The following PELI2 variants were observed in gnomAD, a reference collection of about 807,000 sequenced individuals.
PELI2 encodes pellino E3 ubiquitin protein ligase family member 2, also known as E3 ubiquitin-protein ligase pellino homolog 2.
A neutral mutation model predicts 42.3 loss-of-function variants in PELI2; 23 were observed. That is an observed-to-expected ratio of 0.54 (90% CI 0.39 to 0.77). The LOEUF (loss-of-function observed/expected upper bound fraction) is 0.77. Ranked by LOEUF, PELI2 falls within the 30% of genes least tolerant of loss-of-function variation. The probability of loss-of-function intolerance (pLI) is 0.00; values close to 1 mark genes in which losing one functional copy is unlikely to be tolerated. For synonymous variants in PELI2, 245 were observed against 212.2 expected (o/e 1.15, Z -1.34); for missense variants, 463 against 553.2 (o/e 0.84, Z 1.64).
At chr14:56,239,249 A>G (rs1335020462) in intron 2 of PELI2, among the ~76,000 whole-genome samples, 1 of 152,226 alleles carries the variant, frequency 6.6e-6, no homozygotes, top group Non-Finnish European at 1.5e-5. Flanking sequence ...TGAGTTTTAA[A>G]TAGTCTAGAA....
At chr14:56,138,614 AAGTC>A (rs747641953) in intron 1 of PELI2, among the ~76,000 whole-genome samples, 16 of 152,362 alleles carry the variant, frequency 1.1e-4, no homozygotes, top group South Asian at 2.1e-4. Context: ...ACTTAAGAAA[AAGTC>A]AGATCTACGA....
intron 2 of PELI2, among the ~76,000 whole-genome samples, chr14:56,229,468 C>G (rs1887480046): frequency 6.6e-6 from 1 of 152,180 alleles, no homozygotes; most frequent in South Asian, 2.1e-4. Flanking sequence ...ACTGGTGATA[C>G]CAAGGCAAAC....
chr14:56,279,652 AT>A (rs775424014), intron 2 of PELI2, 23 bp from the exon 3 acceptor site: 1 of 1,350,566 alleles, frequency 7.4e-7, no homozygotes. Context: ...ATTGTAATGG[AT>A]TTTTTTAAAA....
intron 1 of PELI2, among the ~76,000 whole-genome samples, chr14:56,174,739 G>A (rs140214472): frequency 1.5e-3 from 228 of 152,276 alleles, no homozygotes; most frequent in African/African-American, 5.3e-3. Flanking sequence ...CTTCCCAGTC[G>A]AGCTTCTTGT....
chr14:56,282,127 T>TTAA (rs1365275504), intron 3 of PELI2, among the ~76,000 whole-genome samples: 1 of 152,102 alleles, frequency 6.6e-6, no homozygotes, highest in African/African-American at 2.4e-5. Flanking sequence ...AAAGCATTGC[T>TTAA]TAATAGGAAA....
intron 2 of PELI2, among the ~76,000 whole-genome samples, chr14:56,206,777 G>T (rs1007620863): frequency 2.0e-5 from 3 of 151,948 alleles, no homozygotes; most frequent in Admixed American, 1.3e-4. Flanking sequence ...TTGGTTTATG[G>T]CTCTTATACA....
chr14:56,134,878 C>G (rs1178849938), intron 1 of PELI2, among the ~76,000 whole-genome samples: 1 of 151,920 alleles, frequency 6.6e-6, no homozygotes, highest in Non-Finnish European at 1.5e-5. Context: ...ATCCAATTTC[C>G]CAACCTGACT....
chr14:56,153,796 CT>C (rs550105145), intron 1 of PELI2, among the ~76,000 whole-genome samples: 46 of 152,212 alleles, frequency 3.0e-4, no homozygotes, highest in African/African-American at 1.1e-3. Context: ...AAACCGAGTT[CT>C]TTTCTTGTGC....
At position 56,168,219 on chromosome 14, in the gene PELI2, G is replaced by A. The variant is rs547851066; in HGVS notation, c.78-10116G>A. 5.9e-5 allele frequency among the ~76,000 whole-genome samples: 9 copies of A among 152,222 alleles called. No individual in the cohort carries two copies. In the South Asian group the frequency reaches 1.7e-3, roughly 28 times the overall value. ...GGCTCTGGGGCTCTGTAATCAGCAG[G>A]TGGCAAAACCAGCCAGGCTGTGTCC... On this transcript the variant is annotated intron_variant, in intron 1 of 5. Transcript: ENST00000267460.
At chr14:56,167,113 CT>C (rs1211676368) in intron 1 of PELI2, among the ~76,000 whole-genome samples, 1 of 152,090 alleles carries the variant, frequency 6.6e-6, no homozygotes. Context: ...TGTTCTTGAC[CT>C]TTGGGAGTTT....
chr14:56,277,375 C>T (rs1415884294), intron 2 of PELI2, among the ~76,000 whole-genome samples: 1 of 151,726 alleles, frequency 6.6e-6, no homozygotes, highest in East Asian at 1.9e-4. Flanking sequence ...TTGCGTGTTC[C>T]TTATGAGAAT....
chr14:56,230,191 G>A (rs1483860477), intron 2 of PELI2, among the ~76,000 whole-genome samples: 1 of 152,216 alleles, frequency 6.6e-6, no homozygotes, highest in Non-Finnish European at 1.5e-5. Context: ...GTATTATCCA[G>A]GAGAACTTCC....
intron 2 of PELI2, among the ~76,000 whole-genome samples, chr14:56,258,991 A>T (rs1046185298): frequency 1.3e-5 from 2 of 152,120 alleles, no homozygotes; most frequent in Non-Finnish European, 2.9e-5. Flanking sequence ...CAGAGAAACA[A>T]AATTAAGAAT....
chr14:56,121,384 G>A (rs1883054039), intron 1 of PELI2, among the ~76,000 whole-genome samples: 1 of 152,088 alleles, frequency 6.6e-6, no homozygotes, highest in East Asian at 1.9e-4. Context: ...ATCTTTTTGT[G>A]TGTTACACAG....
At chr14:56,164,749 C>G (rs573899972) in intron 1 of PELI2, among the ~76,000 whole-genome samples, 25 of 152,118 alleles carry the variant, frequency 1.6e-4, no homozygotes, top group African/African-American at 5.8e-4. Context: ...GGATTTCTTC[C>G]TGGTTCAATC....
chr14:56,194,077 A>G (rs1886046063), intron 2 of PELI2, among the ~76,000 whole-genome samples: 1 of 152,090 alleles, frequency 6.6e-6, no homozygotes, highest in African/African-American at 2.4e-5. Context: ...AAATCTAGTA[A>G]TTGTTTCTGA....
rs140559657 is a variant in PELI2 at position 56,161,191 on chromosome 14, C to G, written c.78-17144C>G. ...CCCCTCAAAGACATCAGAGTAGCAT[C>G]CCAATTCAAAGCTTACTATTCTGCT... On this transcript the variant is annotated intron_variant, in intron 1 of 5. Coordinates refer to ENST00000267460, the MANE Select transcript of PELI2 (RefSeq NM_021255.3). 1.2e-4 allele frequency among the ~76,000 whole-genome samples: 18 copies of G among 152,292 alleles called. 1 individual carries two copies. Among genetic ancestry groups the G allele is most frequent in the African/African-American group, 4.1e-4 (17 of 41,556 alleles).
chr14:56,136,088 T>A (rs1470403360), intron 1 of PELI2, among the ~76,000 whole-genome samples: 1 of 152,244 alleles, frequency 6.6e-6, no homozygotes, highest in Non-Finnish European at 1.5e-5. Context: ...AAATCCCATT[T>A]ATACATGTTA....
intron 2 of PELI2, among the ~76,000 whole-genome samples, chr14:56,253,451 C>T (rs1264100012): frequency 6.6e-6 from 1 of 152,046 alleles, no homozygotes; most frequent in African/African-American, 2.4e-5. Flanking sequence ...TTTAGAAAAC[C>T]CCATGATCTC....
Sources: gnomAD v4.1 joint callset for allele counts (sites outside exome capture counted in the v4.1 genomes callset) on GRCh38, gnomAD v4.1.1 for gene constraint, MANE v1.5 for transcripts, NCBI Gene and HGNC (gene_info 2026-07-23, HGNC 2026-07-21) for gene names.